Variants in ROBO1 observed in about 807,000 individuals in gnomAD.
The protein encoded by ROBO1 is roundabout guidance receptor 1, also known as roundabout homolog 1.
A neutral mutation model predicts 195.9 loss-of-function variants in ROBO1; 149 were observed. That is an observed-to-expected ratio of 0.76 (90% CI 0.67 to 0.87). The LOEUF (loss-of-function observed/expected upper bound fraction) is 0.87. Among genes scored for constraint, ROBO1 ranks in the 40% least tolerant of loss-of-function variants. The pLI is 0.00. For synonymous variants in ROBO1, 816 were observed against 733.2 expected (o/e 1.11, Z -1.82); for missense variants, 1,933 against 2,068.3 (o/e 0.93, Z 1.27).
At chr3:78,826,870 C>T (rs2031660758) in intron 4 of ROBO1, among the ~76,000 whole-genome samples, 1 of 152,128 alleles carries the variant, frequency 6.6e-6, no homozygotes, top group Admixed American at 6.6e-5. Flanking sequence ...GCTGAAGTAA[C>T]TTTCTGGTAA....
intron 3 of ROBO1, among the ~76,000 whole-genome samples, chr3:79,028,616 A>G (rs1217861475): frequency 2.0e-5 from 3 of 151,980 alleles, no homozygotes; most frequent in Non-Finnish European, 2.9e-5. Flanking sequence ...AGCAATACAT[A>G]CTTTCCACAA....
chr3:79,227,586 A>C (rs1421978744), intron 2 of ROBO1, among the ~76,000 whole-genome samples: 1 of 152,124 alleles, frequency 6.6e-6, no homozygotes, highest in Non-Finnish European at 1.5e-5. Context: ...TCTGGAGCTT[A>C]AGAGTCATCT....
intron 1 of ROBO1, among the ~76,000 whole-genome samples, chr3:79,678,153 G>T (rs146648160): frequency 6.6e-6 from 1 of 151,916 alleles, no homozygotes; most frequent in African/African-American, 2.4e-5. Flanking sequence ...ATCAGTTACT[G>T]GTCATTAAAG....
intron 4 of ROBO1, among the ~76,000 whole-genome samples, chr3:78,841,116 A>G (rs2033168683): frequency 6.6e-6 from 1 of 152,144 alleles, no homozygotes; most frequent in South Asian, 2.1e-4. Flanking sequence ...AATGTCAATA[A>G]GGCAATGTTG....
At chr3:78,908,628 G>C (rs995233400) in intron 4 of ROBO1, among the ~76,000 whole-genome samples, 8 of 151,876 alleles carry the variant, frequency 5.3e-5, no homozygotes, top group African/African-American at 9.7e-5. Flanking sequence ...TGGAGAAATA[G>C]ACACTATTGC....
chr3:79,188,798 ACTGT>A (rs1459554381), intron 2 of ROBO1, among the ~76,000 whole-genome samples: 1 of 151,700 alleles, frequency 6.6e-6, no homozygotes, highest in Non-Finnish European at 1.5e-5. Flanking sequence ...TGGTTTACTC[ACTGT>A]CTGAATGTTT....
intron 2 of ROBO1, among the ~76,000 whole-genome samples, chr3:79,337,135 T>A (rs780077542): frequency 6.6e-6 from 1 of 152,194 alleles, no homozygotes; most frequent in African/African-American, 2.4e-5. Flanking sequence ...GGACTTGCCT[T>A]GTCTCAGATG....
chr3:78,974,799 A>T (rs1012737088), intron 3 of ROBO1, among the ~76,000 whole-genome samples: 4 of 152,192 alleles, frequency 2.6e-5, no homozygotes, highest in Non-Finnish European at 5.9e-5. Flanking sequence ...TTTTTCAAAG[A>T]TATATCATTT....
intron 2 of ROBO1, among the ~76,000 whole-genome samples, chr3:79,232,587 A>G (rs371603234): frequency 6.6e-6 from 1 of 152,076 alleles, no homozygotes; most frequent in Non-Finnish European, 1.5e-5. Context: ...TAAACATTCT[A>G]AAGAACCACA....
intron 1 of ROBO1, among the ~76,000 whole-genome samples, chr3:79,686,095 C>T (rs1363502969): frequency 6.6e-6 from 1 of 152,136 alleles, no homozygotes; most frequent in Non-Finnish European, 1.5e-5. Flanking sequence ...CATAATCCAG[C>T]ATATAAACAG....
chr3:79,129,046 T>G (rs1410223654), intron 2 of ROBO1, among the ~76,000 whole-genome samples: 1 of 152,132 alleles, frequency 6.6e-6, no homozygotes, highest in Non-Finnish European at 1.5e-5. Context: ...AACTTGTACA[T>G]TTCTCAATTG....
intron 2 of ROBO1, among the ~76,000 whole-genome samples, chr3:79,416,663 A>G (rs1189270731): frequency 6.6e-6 from 1 of 151,806 alleles, no homozygotes; most frequent in Non-Finnish European, 1.5e-5. Flanking sequence ...AAGGGGTAAA[A>G]TTGATAAACT....
intron 1 of ROBO1, among the ~76,000 whole-genome samples, chr3:79,613,230 AACT>A (rs760329165): frequency 6.6e-5 from 10 of 152,004 alleles, no homozygotes; most frequent in South Asian, 2.1e-4. Context: ...TCAGCTTTAA[AACT>A]ACTATTTTAT....
chr3:78,720,943 G>T (rs576315736), intron 5 of ROBO1, among the ~76,000 whole-genome samples: 28 of 149,630 alleles, frequency 1.9e-4, no homozygotes, highest in South Asian at 8.4e-4. Context: ...GGGACCTGTT[G>T]TGGGGTTGGG....
At chr3:79,624,448 GAC>G (rs1310368139) in intron 1 of ROBO1, among the ~76,000 whole-genome samples, 4 of 151,780 alleles carry the variant, frequency 2.6e-5, no homozygotes. Context: ...GTATTCAGGA[GAC>G]ACACAACTCA....
chr3:78,922,471 G>A (rs1272658881), intron 4 of ROBO1, among the ~76,000 whole-genome samples: 1 of 151,952 alleles, frequency 6.6e-6, no homozygotes, highest in African/African-American at 2.4e-5. Flanking sequence ...AAGTTCATAG[G>A]CAAGGTAGTC....
intron 1 of ROBO1, among the ~76,000 whole-genome samples, chr3:79,651,497 T>C (rs750996539): frequency 9.2e-5 from 14 of 152,138 alleles, no homozygotes; most frequent in Non-Finnish European, 1.8e-4. Flanking sequence ...AATATAGTTG[T>C]TCAAATTTAC....
chr3:79,121,932 T>C (rs1047300072), intron 3 of ROBO1, among the ~76,000 whole-genome samples: 3 of 152,064 alleles, frequency 2.0e-5, no homozygotes, highest in Non-Finnish European at 4.4e-5. Flanking sequence ...AAATTTTTCT[T>C]TAAATTTTGT....
chr3:79,147,699 G>C (rs1168440282), intron 2 of ROBO1, among the ~76,000 whole-genome samples: 1 of 151,970 alleles, frequency 6.6e-6, no homozygotes, highest in East Asian at 1.9e-4. Flanking sequence ...GGGTGAGATA[G>C]TTAATGACTC....
Sources: gnomAD v4.1 joint callset for allele counts (sites outside exome capture counted in the v4.1 genomes callset) on GRCh38, gnomAD v4.1.1 for gene constraint, MANE v1.5 for transcripts, NCBI Gene and HGNC (gene_info 2026-07-23, HGNC 2026-07-21) for gene names.